The following PABPC1 variants were observed in gnomAD, a reference collection of about 807,000 sequenced individuals.
PABPC1 encodes polyadenylate-binding protein 1.
A neutral mutation model predicts 74.0 loss-of-function variants in PABPC1; 4 were observed. The ratio of observed to expected loss-of-function variants is 0.05; its 90% CI spans 0.03 to 0.12. The LOEUF (loss-of-function observed/expected upper bound fraction) is 0.12. PABPC1 is among the 10% of genes least tolerant of loss of function. The probability of loss-of-function intolerance (pLI) is 1.00; values close to 1 mark genes in which losing one functional copy is unlikely to be tolerated. For synonymous variants in PABPC1, 227 were observed against 264.1 expected (o/e 0.86, Z 1.36); for missense variants, 271 against 821.1 (o/e 0.33, Z 8.19).
At chr8:100,714,999 T>C (rs774317079) in intron 4 of PABPC1, among the ~76,000 whole-genome samples, 20 of 152,276 alleles carry the variant, frequency 1.3e-4, no homozygotes, top group African/African-American at 1.7e-4. Flanking sequence ...CTGAAAGTCA[T>C]TGTTTTAAAC....
intron 7 of PABPC1, among the ~76,000 whole-genome samples, chr8:100,711,054 G>A (rs1016995980): frequency 5.3e-5 from 8 of 152,178 alleles, no homozygotes; most frequent in Admixed American, 1.3e-4. Flanking sequence ...CACTTTAGGA[G>A]GTCACCTGAG....
rs1333141156 is a variant in PABPC1 at position 100,704,393 on chromosome 8, A to T, written c.1819-3T>A. 6.2e-7 allele frequency: 1 copy of T among 1,608,596 alleles called. No homozygotes were observed. Among genetic ancestry groups the T allele is most frequent in the Non-Finnish European group, 8.5e-7 (1 of 1,175,086 alleles). ...AGTACAGCTACAGCTTCATCAACCT[A>T]AAAAAGGGGAAAACAGATAAACTGG... is the stretch of plus-strand genomic sequence containing the variant. On this transcript the variant is annotated splice_polypyrimidine_tract_variant and splice_region_variant and intron_variant, in intron 13 of 14. Transcript: ENST00000318607.
At chr8:100,710,946 C>T (rs537913483) in intron 7 of PABPC1, among the ~76,000 whole-genome samples, 24 of 151,908 alleles carry the variant, frequency 1.6e-4, no homozygotes, top group African/African-American at 4.6e-4. Context: ...GAGATCACAC[C>T]ACTTCACTCC....
intron 11 of PABPC1, among the ~76,000 whole-genome samples, chr8:100,706,254 A>T (rs935839757): frequency 6.6e-6 from 1 of 152,242 alleles, no homozygotes; most frequent in South Asian, 2.1e-4. Context: ...ACATACTATC[A>T]TATTAGCAGA....
At position 100,706,473 on chromosome 8, in the gene PABPC1, A is replaced by G. The variant is rs938816537; in HGVS notation, c.1602+178T>C. Among the ~76,000 whole-genome samples the G allele has an allele frequency of 2.0e-5, 3 of 151,510 alleles. 1 individual carries two copies. On this transcript the variant is annotated intron_variant, in intron 11 of 14. Transcript: ENST00000318607. ...CACACCCAGCTAGTTTTCTTTGTGG[A>G]GACAGGGTCCTGTATGTTGCCCAGG...
chr8:100,703,832 T>C (rs1200412684), intron 14 of PABPC1, among the ~76,000 whole-genome samples: 2 of 152,120 alleles, frequency 1.3e-5, no homozygotes, highest in Admixed American at 1.3e-4. Context: ...GGCGGATCAC[T>C]TGAGGTCAGA....
chr8:100,708,584 A>G (rs1455397001), intron 9 of PABPC1, among the ~76,000 whole-genome samples: 9 of 152,240 alleles, frequency 5.9e-5, no homozygotes, highest in Admixed American at 5.2e-4. Context: ...GCCTGACAAA[A>G]TATGAAATTG....
chr8:100,715,122 T>TACACACACAC lies in PABPC1; in HGVS notation c.643+330_643+339dup, dbSNP rs56819980. Among the ~76,000 whole-genome samples the TACACACACAC allele has an allele frequency of 9.1e-3, 1,195 of 131,346 alleles. 17 individuals carry two copies. The highest frequency in any genetic ancestry group is 0.027 in the African/African-American group (976 of 35,840). The allele number at this position is 131,346 out of a possible 152,430, so 86.2% of individuals were successfully genotyped here. ...CTTCTGATGACATGGGATCTCTAAT[T>TACACACACAC]ACACACACACACACACACACACACA... On this transcript the variant is annotated intron_variant, in intron 4 of 14. Transcript: ENST00000318607.
intron 5 of PABPC1, 118 bp downstream of exon 5, chr8:100,712,961 TGCATAAAA>T: frequency 9.9e-7 from 1 of 1,010,248 alleles, no homozygotes; most frequent in Admixed American, 3.1e-5. Context: ...TCAAACCTAA[TGCATAAAA>T]TGCAAATAAC....
At chr8:100,707,346 C>T (rs1343085363) in intron 9 of PABPC1, among the ~76,000 whole-genome samples, 2 of 151,668 alleles carry the variant, frequency 1.3e-5, no homozygotes, top group African/African-American at 2.4e-5. Flanking sequence ...ACGCGGAGAC[C>T]AGTAGTGGCC....
At chr8:100,714,347 C>G (rs1810608376) in intron 4 of PABPC1, among the ~76,000 whole-genome samples, 1 of 152,148 alleles carries the variant, frequency 6.6e-6, no homozygotes, top group African/African-American at 2.4e-5. Flanking sequence ...ATGTCACTTT[C>G]TATGTTTTAT....
In PABPC1 at chr8:100,721,588, G is replaced by A; in HGVS notation, c.-5C>T. 6.4e-7 allele frequency: 1 copy of A among 1,566,152 alleles called. No individual in the cohort carries two copies. Among genetic ancestry groups the A allele is most frequent in the Non-Finnish European group, 8.7e-7 (1 of 1,149,894 alleles). On this transcript the variant is annotated 5_prime_UTR_variant, in exon 1 of 15. Coordinates refer to ENST00000318607, the MANE Select transcript of PABPC1 (RefSeq NM_002568.4). The surrounding 1 kb of genome is among the most constrained non-coding windows in gnomAD (Gnocchi z 7.4). ...GCTGGGGGCACTGGGGTTCATCTCG[G>A]CACGGCTGCCCGCAGGGCCACAGGC...
chr8:100,715,393 A>T, intron 4 of PABPC1, 69 bp downstream of exon 4: 4 of 1,335,098 alleles, frequency 3.0e-6, no homozygotes, highest in Non-Finnish European at 3.1e-6. Context: ...AGTATAAAGT[A>T]ATAGCTAAAA....
At chr8:100,714,593 T>A (rs755017584) in intron 4 of PABPC1, among the ~76,000 whole-genome samples, 4 of 151,994 alleles carry the variant, frequency 2.6e-5, no homozygotes, top group Non-Finnish European at 4.4e-5. Context: ...TAGCTGGGCA[T>A]GGTGGCGCAC....
At chr8:100,715,397 G>A (rs151153249) in intron 4 of PABPC1, 65 bp downstream of exon 4, 14 of 1,362,410 alleles carry the variant, frequency 1.0e-5, no homozygotes, top group African/African-American at 2.9e-5. Context: ...TAAAGTAATA[G>A]CTAAAATTAA....
chr8:100,707,414 G>C (rs2129683860), intron 9 of PABPC1, among the ~76,000 whole-genome samples: 1 of 152,290 alleles, frequency 6.6e-6, no homozygotes, highest in African/African-American at 2.4e-5. Context: ...GCAGGGTAAA[G>C]AGTGTGAGTC....
chr8:100,715,384 G>T, intron 4 of PABPC1, 78 bp downstream of exon 4: 1 of 1,282,904 alleles, frequency 7.8e-7, no homozygotes, highest in Non-Finnish European at 1.1e-6. Context: ...GACTTTTTTA[G>T]TATAAAGTAA....
At chr8:100,719,117 T>C (rs906038076) in intron 1 of PABPC1, among the ~76,000 whole-genome samples, 17 of 152,306 alleles carry the variant, frequency 1.1e-4, no homozygotes, top group African/African-American at 3.4e-4. Flanking sequence ...CTATAAAGGA[T>C]TGAATTATGT....
chr8:100,704,392 TA>T lies in PABPC1; in HGVS notation c.1819-3del. 6.2e-7 allele frequency: 1 copy of T among 1,611,194 alleles called. No homozygotes were observed. On this transcript the variant is annotated splice_polypyrimidine_tract_variant and splice_region_variant and intron_variant, in intron 13 of 14. Coordinates refer to ENST00000318607, the MANE Select transcript of PABPC1 (RefSeq NM_002568.4). ...TAGTACAGCTACAGCTTCATCAACC[TA>T]AAAAAGGGGAAAACAGATAAACTGG... is the stretch of plus-strand genomic sequence containing the variant.
Sources: allele counts gnomAD v4.1 joint callset (sites outside exome capture counted in the v4.1 genomes callset), GRCh38; gene constraint gnomAD v4.1.1; non-coding constraint Gnocchi (gnomAD v3.1); transcripts MANE v1.5; gene names NCBI Gene and HGNC (gene_info 2026-07-23, HGNC 2026-07-21).